IBTK: variants seen among roughly 807,000 people sequenced by gnomAD.
The protein encoded by IBTK is BTK-binding protein.
A neutral mutation model predicts 154.9 loss-of-function variants in IBTK; 83 were observed. The ratio of observed to expected loss-of-function variants is 0.54; its 90% CI spans 0.45 to 0.64. IBTK has a LOEUF of 0.64. Among genes scored for constraint, IBTK ranks in the 30% least tolerant of loss-of-function variants. The probability of loss-of-function intolerance (pLI) is 0.00; values close to 1 mark genes in which losing one functional copy is unlikely to be tolerated. For missense variants in IBTK, 1,332 were observed against 1,584.6 expected, an observed-to-expected ratio of 0.84 and a Z score of 2.71; for synonymous variants, 515 against 536.1, an observed-to-expected ratio of 0.96 and a Z score of 0.54.
chr6:82,219,107 C>T (rs188659129), intron 9 of IBTK, among the ~76,000 whole-genome samples: 1 of 152,004 alleles, frequency 6.6e-6, no homozygotes, highest in Non-Finnish European at 1.5e-5. Flanking sequence ...AACTGGAGCT[C>T]TAATTCTTTT....
rs376596320 is a variant in IBTK at position 82,231,794 on chromosome 6, C to T, written c.467G>A (p.Gly156Asp). 44 of 1,605,562 alleles carry T rather than the reference C, an allele frequency of 2.7e-5. No individual in the cohort carries two copies. Among genetic ancestry groups the T allele is most frequent in the Non-Finnish European group, 3.5e-5 (41 of 1,174,144 alleles). The change falls in exon 4 of 29, where the codon GGT becomes GAT. Residue 156 changes from glycine to aspartate, a missense_variant. Coordinates refer to ENST00000306270, the MANE Select transcript of IBTK (RefSeq NM_015525.4). ...ATGTTTGCTATTCTGGCTTCCATGACCCAGGGTAAAATTTGTATTATCGCC... is the reference window on the plus strand; with the variant it reads ...ATGTTTGCTATTCTGGCTTCCATGATCCAGGGTAAAATTTGTATTATCGCC... ...TWGDNTNFTL[G>D]HGSQNSKHHP... is the part of the protein sequence containing the mutation.
intron 12 of IBTK, among the ~76,000 whole-genome samples, chr6:82,213,882 A>G (rs1769753066): frequency 6.6e-6 from 1 of 152,144 alleles, no homozygotes; most frequent in Non-Finnish European, 1.5e-5. Flanking sequence ...GGAAGGAGAA[A>G]GAGAAGGGGA....
intron 25 of IBTK, among the ~76,000 whole-genome samples, chr6:82,182,648 T>A (rs892391922): frequency 4.3e-4 from 65 of 152,128 alleles, no homozygotes; most frequent in Non-Finnish European, 4.1e-4. Context: ...GACTCCAGAA[T>A]TTTGGCAAAC....
intron 3 of IBTK, 116 bp from the exon 4 acceptor site, chr6:82,231,958 T>C: frequency 1.8e-6 from 1 of 543,390 alleles, no homozygotes; most frequent in African/African-American, 1.9e-5. Context: ...TATATTAATA[T>C]GATATTAGGT....
intron 12 of IBTK, among the ~76,000 whole-genome samples, chr6:82,213,213 G>T (rs1200419618): frequency 6.6e-6 from 1 of 152,036 alleles, no homozygotes; most frequent in East Asian, 1.9e-4. Flanking sequence ...ATTTTTTGTA[G>T]AGACAGGGTT....
In IBTK at chr6:82,240,172, T is replaced by C; in HGVS notation, c.315A>G (p.Leu105=). 2 of 1,610,986 alleles carry C rather than the reference T, an allele frequency of 1.2e-6. No homozygotes were observed. Among genetic ancestry groups the C allele is most frequent in the Non-Finnish European group, 1.7e-6 (2 of 1,177,480 alleles). Residue 105 remains leucine, a synonymous_variant, in exon 2 of 29, where the codon CTA becomes CTG. Transcript: ENST00000306270. ...ATAAACAAATGACAATTACCTTCAA[T>C]AGAGACCAAACACAATCAATATGTC... ...FYGHIDCVWS[L]LKHGVSLYIQ... is the part of the protein sequence containing the mutation.
Position 82,214,720 on chromosome 6 carries a change from C to T in IBTK, c.1711G>A (p.Gly571Ser). Residue 571 changes from glycine to serine, a missense_variant, in exon 12 of 29, where the codon GGC becomes AGC. This residue lies in a region of IBTK where 1,134 missense variants were observed against 1,274.7 expected (regional missense o/e 0.89). Transcript: ENST00000306270. ...TTATGTGCAGGGAAGAGTCTATTGCCAACTTGAAATGTCACATCATGAATG... is the reference window on the plus strand; with the variant it reads ...TTATGTGCAGGGAAGAGTCTATTGCTAACTTGAAATGTCACATCATGAATG... Reference protein sequence around the residue: ...DSIHDVTFQVGNRLFPAHKYI... With the variant: ...DSIHDVTFQVSNRLFPAHKYI... 6.2e-7 allele frequency: 1 copy of T among 1,614,038 alleles called. No homozygotes were observed. The highest frequency in any genetic ancestry group is 8.5e-7 in the Non-Finnish European group (1 of 1,179,990).
At chr6:82,172,235 G>A (rs181958530) in intron 28 of IBTK, 145 bp downstream of exon 28, 50 of 657,314 alleles carry the variant, frequency 7.6e-5, no homozygotes, top group Non-Finnish European at 1.2e-4. Context: ...ACTGCTAGAT[G>A]CCTCAGTTTA....
Position 82,217,966 on chromosome 6 carries a change from T to C in IBTK, c.1420A>G (p.Lys474Glu), listed in dbSNP as rs1769932825. 3 of 1,592,094 alleles carry C rather than the reference T, an allele frequency of 1.9e-6. No homozygotes were observed. Among genetic ancestry groups the C allele is most frequent in the Non-Finnish European group, 2.6e-6 (3 of 1,171,446 alleles). ...GTTCAATATATGAACTGACCTTTCT[T>C]TTCAGAACTCTTTCTTTTCTCTTCA... ...WFEEKRKSSEKKEILSNLHNS... is the reference protein window; with the variant it reads ...WFEEKRKSSEEKEILSNLHNS... The change falls in exon 10 of 29, where the codon AAG becomes GAG. Residue 474 changes from lysine (K) to glutamate (E), a missense_variant. Around this residue, in one of 3 missense-constraint regions of IBTK, gnomAD observed 1,134 missense variants for 1,274.7 expected, o/e 0.89. Coordinates refer to ENST00000306270, the MANE Select transcript of IBTK (RefSeq NM_015525.4).
chr6:82,172,459 A>G lies in IBTK; in HGVS notation c.3851T>C (p.Phe1284Ser). 1 of 1,613,914 alleles carries G rather than the reference A, an allele frequency of 6.2e-7. No homozygotes were observed. Residue 1284 changes from phenylalanine (F) to serine (S), a missense_variant, in exon 28 of 29, where the codon TTT (phenylalanine) becomes TCT (serine). This residue lies in a region of IBTK where 1,134 missense variants were observed against 1,274.7 expected (regional missense o/e 0.89). Transcript: ENST00000306270. Reference protein sequence around the residue: ...TAPSMVAPVTFASIVEEELQQ... With the variant: ...TAPSMVAPVTSASIVEEELQQ... ...TAGTTCTTCTTCTACAATAGATGCAAAAGTGACTGGGGCTACCATGGATGG... is the reference window on the plus strand; with the variant it reads ...TAGTTCTTCTTCTACAATAGATGCAGAAGTGACTGGGGCTACCATGGATGG...
chr6:82,190,388 C>T (rs1176145156), intron 25 of IBTK, among the ~76,000 whole-genome samples: 4 of 152,158 alleles, frequency 2.6e-5, no homozygotes, highest in African/African-American at 4.8e-5. Flanking sequence ...CGTAAGGCTT[C>T]ACATTCTCCA....
At chr6:82,188,799 G>T (rs1430387677) in intron 25 of IBTK, among the ~76,000 whole-genome samples, 2 of 152,142 alleles carry the variant, frequency 1.3e-5, no homozygotes, top group Non-Finnish European at 2.9e-5. Flanking sequence ...GGAGGCTGAG[G>T]CAGGCAGATC....
At chr6:82,200,824 C>G in intron 19 of IBTK, 116 bp from the exon 20 acceptor site, 1 of 1,137,030 alleles carries the variant, frequency 8.8e-7, no homozygotes. Context: ...CTGTTTGGAA[C>G]ACCTGGCCCC....
chr6:82,219,011 G>GT (rs1229563017), intron 9 of IBTK, among the ~76,000 whole-genome samples: 2 of 152,154 alleles, frequency 1.3e-5, no homozygotes, highest in African/African-American at 4.8e-5. Context: ...CCATTTCAAT[G>GT]TAAGTGATAC....
chr6:82,193,214 A>G (rs532276875), intron 23 of IBTK, among the ~76,000 whole-genome samples: 1 of 152,322 alleles, frequency 6.6e-6, no homozygotes, highest in East Asian at 1.9e-4. Flanking sequence ...CTACAAAATG[A>G]ATGTAGAAAT....
rs1237733874 is a variant in IBTK at position 82,181,899 on chromosome 6, A to G, written c.3705T>C (p.Ser1235=). 2 of 1,581,928 alleles carry G rather than the reference A, an allele frequency of 1.3e-6. No individual in the cohort carries two copies. The highest frequency in any genetic ancestry group is 8.5e-7 in the Non-Finnish European group (1 of 1,171,698). Residue 1235 remains serine (S), a synonymous_variant, in exon 26 of 29, where the codon TCT becomes TCC. Transcript: ENST00000306270. ...KKVSFKGIEN[S]QAPKIVRCST... is the part of the protein sequence containing the mutation. ...ATTACCTGACAATTTTTGGTGCCTG[A>G]GAATTTTCAATTCCTTTAAAAGAAA...
intron 19 of IBTK, among the ~76,000 whole-genome samples, 160 bp from the exon 20 acceptor site, chr6:82,200,868 T>C (rs1769185435): frequency 6.8e-6 from 1 of 146,256 alleles, no homozygotes; most frequent in Non-Finnish European, 1.5e-5. Context: ...CCCAAAATGC[T>C]AGGATTACAG....
intron 13 of IBTK, 31 bp downstream of exon 13, chr6:82,212,676 A>G (rs1382407904): frequency 1.4e-6 from 2 of 1,414,054 alleles, no homozygotes; most frequent in East Asian, 4.6e-5. Context: ...AAATCCAGAC[A>G]TGAAATGTTA....
At chr6:82,227,743 TC>T (rs1377675786) in intron 4 of IBTK, among the ~76,000 whole-genome samples, 1 of 152,036 alleles carries the variant, frequency 6.6e-6, no homozygotes, top group Non-Finnish European at 1.5e-5. Flanking sequence ...CAGAGTGTTT[TC>T]AAAAAACAAT....
Sources: gnomAD v4.1 joint callset for allele counts (sites outside exome capture counted in the v4.1 genomes callset) on GRCh38, gnomAD v4.1.1 for gene constraint, gnomAD v4.1.1 regional missense constraint, MANE v1.5 for transcripts, NCBI Gene and HGNC (gene_info 2026-07-23, HGNC 2026-07-21) for gene names.